Variants in LRP1B observed in about 807,000 individuals in gnomAD.
The protein encoded by LRP1B is LDL receptor related protein 1B.
In LRP1B, 217 loss-of-function variants were observed where a neutral mutation model predicts 556.6. That is an observed-to-expected ratio of 0.39 (90% confidence interval 0.35 to 0.44). LRP1B has a LOEUF of 0.44. Ranked by LOEUF, LRP1B falls within the 20% of genes least tolerant of loss-of-function variation. The pLI, the probability that LRP1B is intolerant of heterozygous loss-of-function variation, is 1.00. For synonymous variants in LRP1B, 2,047 were observed against 1,865.8 expected (o/e 1.10, Z -2.50); for missense variants, 5,053 against 5,620.8 (o/e 0.90, Z 3.23).
chr2:140,669,734 A>G (rs1685413113), intron 41 of LRP1B, among the ~76,000 whole-genome samples: 1 of 148,550 alleles, frequency 6.7e-6, no homozygotes. Context: ...TAACATTATA[A>G]TAAAATAAAT....
chr2:141,250,044 A>G (rs952393897), intron 4 of LRP1B, among the ~76,000 whole-genome samples: 3 of 152,192 alleles, frequency 2.0e-5, no homozygotes, highest in African/African-American at 7.2e-5. Flanking sequence ...AAAAATGAAG[A>G]GGGGAGCAAA....
intron 1 of LRP1B, among the ~76,000 whole-genome samples, chr2:142,001,910 C>T (rs1313989645): frequency 6.6e-6 from 1 of 152,052 alleles, no homozygotes; most frequent in Non-Finnish European, 1.5e-5. Context: ...CTCTAATTTA[C>T]CCATGCAGCT....
chr2:141,003,575 T>A (rs763418865), intron 15 of LRP1B, among the ~76,000 whole-genome samples: 8 of 151,998 alleles, frequency 5.3e-5, no homozygotes, highest in Non-Finnish European at 1.2e-4. Flanking sequence ...AAACAGGGAT[T>A]TCCCTGCACA....
At chr2:141,677,540 A>G (rs1391030419) in intron 2 of LRP1B, among the ~76,000 whole-genome samples, 1 of 152,056 alleles carries the variant, frequency 6.6e-6, no homozygotes. Flanking sequence ...CCCATGCTGG[A>G]CTGCAATGGC....
chr2:141,795,857 AAT>A (rs1198211801), intron 2 of LRP1B, among the ~76,000 whole-genome samples: 1,272 of 51,226 alleles, frequency 0.025, 12 homozygotes, highest in South Asian at 0.045. Context: ...AACCAGGAGC[AAT>A]ATATATATAT....
chr2:140,434,654 T>C (rs1425140505), intron 66 of LRP1B, among the ~76,000 whole-genome samples: 1 of 152,130 alleles, frequency 6.6e-6, no homozygotes, highest in African/African-American at 2.4e-5. Flanking sequence ...GGCCTAATTA[T>C]ATGAAAAACC....
chr2:140,343,967 A>G (rs1681525975), intron 77 of LRP1B, among the ~76,000 whole-genome samples: 1 of 151,640 alleles, frequency 6.6e-6, no homozygotes, highest in Non-Finnish European at 1.5e-5. Context: ...GAATTAGATG[A>G]CCATATGGAA....
chr2:142,031,330 A>ATTTTTTTTTT (rs560363480), intron 1 of LRP1B, among the ~76,000 whole-genome samples: 2,148 of 116,692 alleles, frequency 0.018, 134 homozygotes, highest in Non-Finnish European at 0.024. Flanking sequence ...GATTATACTT[A>ATTTTTTTTTT]TTTTTTTTTT....
chr2:140,822,941 T>C (rs1310448358), intron 31 of LRP1B, among the ~76,000 whole-genome samples: 1 of 152,188 alleles, frequency 6.6e-6, no homozygotes, highest in Non-Finnish European at 1.5e-5. Flanking sequence ...CCAGAAATAA[T>C]TGTTATGAGA....
chr2:141,092,136 A>T (rs937678304), intron 7 of LRP1B, among the ~76,000 whole-genome samples: 2 of 152,200 alleles, frequency 1.3e-5, no homozygotes, highest in African/African-American at 4.8e-5. Context: ...TTGTTTTGTT[A>T]TATGTTGCTG....
intron 41 of LRP1B, among the ~76,000 whole-genome samples, chr2:140,604,308 C>A (rs1445973534): frequency 6.6e-6 from 1 of 151,824 alleles, no homozygotes. Context: ...TGAGTCAGGT[C>A]CTGACATGTT....
intron 18 of LRP1B, among the ~76,000 whole-genome samples, chr2:140,964,011 G>A (rs535672985): frequency 1.3e-5 from 2 of 152,214 alleles, no homozygotes; most frequent in South Asian, 2.1e-4. Context: ...CCCGAATGTC[G>A]GGCTGCACTG....
intron 76 of LRP1B, 136 bp downstream of exon 76, chr2:140,352,817 C>A (rs940023702): frequency 3.7e-6 from 3 of 800,780 alleles, no homozygotes; most frequent in Non-Finnish European, 5.8e-6. Context: ...AACTAACCAA[C>A]TGGCCAAATT....
At chr2:141,935,998 A>G (rs1054118158) in intron 1 of LRP1B, among the ~76,000 whole-genome samples, 1 of 152,192 alleles carries the variant, frequency 6.6e-6, no homozygotes, top group African/African-American at 2.4e-5. Context: ...ATGCACAGAA[A>G]ATACTGGATA....
intron 1 of LRP1B, among the ~76,000 whole-genome samples, chr2:142,067,177 C>A (rs1574649922): frequency 6.6e-6 from 1 of 151,402 alleles, no homozygotes; most frequent in Non-Finnish European, 1.5e-5. Context: ...TTATATTGAA[C>A]ACACCCAGAT....
At chr2:141,885,724 G>A (rs1699091580) in intron 1 of LRP1B, among the ~76,000 whole-genome samples, 1 of 152,084 alleles carries the variant, frequency 6.6e-6, no homozygotes, top group Non-Finnish European at 1.5e-5. Flanking sequence ...AAAACCTAGG[G>A]GACAGGAGAA....
intron 87 of LRP1B, among the ~76,000 whole-genome samples, chr2:140,242,791 ACTGCAGTGG>A (rs1176020107): frequency 6.6e-6 from 1 of 151,180 alleles, no homozygotes; most frequent in Non-Finnish European, 1.5e-5. Flanking sequence ...AGGAGATGTG[ACTGCAGTGG>A]AAAGCAGAGG....
chr2:140,683,882 C>G, intron 41 of LRP1B: 2 of 552,678 alleles, frequency 3.6e-6, no homozygotes, highest in Non-Finnish European at 6.6e-6. Context: ...TGGGCCCTGG[C>G]AGACTGAGGG....
chr2:141,008,420 T>G (rs529439520), intron 14 of LRP1B, among the ~76,000 whole-genome samples: 1 of 151,124 alleles, frequency 6.6e-6, no homozygotes, highest in South Asian at 2.1e-4. Context: ...CTAATCATTA[T>G]AATTATTTAT....
Sources: gnomAD v4.1 joint callset for allele counts (sites outside exome capture counted in the v4.1 genomes callset) on GRCh38, gnomAD v4.1.1 for gene constraint, MANE v1.5 for transcripts, NCBI Gene and HGNC (gene_info 2026-07-23, HGNC 2026-07-21) for gene names.